Variants in HDAC9 observed in about 807,000 individuals in gnomAD.
The protein encoded by HDAC9 is histone deacetylase 9.
A neutral mutation model predicts 139.4 loss-of-function variants in HDAC9; 41 were observed. That is an observed-to-expected ratio of 0.29 (90% CI 0.23 to 0.38). HDAC9 has a LOEUF of 0.38. Among genes scored for constraint, HDAC9 ranks in the 10% least tolerant of loss-of-function variants. The pLI is 1.00. For missense variants in HDAC9, 1,147 were observed against 1,297.0 expected, an observed-to-expected ratio of 0.88 and a Z score of 1.78; for synonymous variants, 517 against 476.2, an observed-to-expected ratio of 1.09 and a Z score of -1.12.
At chr7:18,341,827 G>C (rs933429855) in intron 1 of HDAC9, among the ~76,000 whole-genome samples, 6 of 151,384 alleles carry the variant, frequency 4.0e-5, no homozygotes, top group Admixed American at 2.6e-4. Context: ...ACTTTCTTGG[G>C]TCTTGAAAAA....
chr7:18,573,437 C>T (rs1038176561), intron 2 of HDAC9, among the ~76,000 whole-genome samples: 6 of 152,230 alleles, frequency 3.9e-5, no homozygotes, highest in African/African-American at 7.2e-5. Context: ...ATCGCTAGGG[C>T]GTTGCTTCAT....
intron 2 of HDAC9, among the ~76,000 whole-genome samples, chr7:18,199,719 C>A (rs1790976806): frequency 7.1e-6 from 1 of 139,890 alleles, no homozygotes; most frequent in Non-Finnish European, 1.5e-5. Context: ...GGTTTCAAGA[C>A]CAGCCTGGAC....
chr7:18,833,006 G>A (rs1436612916), intron 19 of HDAC9, among the ~76,000 whole-genome samples: 3 of 152,062 alleles, frequency 2.0e-5, no homozygotes, highest in Non-Finnish European at 4.4e-5. Flanking sequence ...AAAGTGCTGG[G>A]ATTACAGGCA....
At chr7:18,552,041 G>T (rs1817321406) in intron 2 of HDAC9, among the ~76,000 whole-genome samples, 1 of 152,158 alleles carries the variant, frequency 6.6e-6, no homozygotes, top group African/African-American at 2.4e-5. Context: ...ATTTTTAAAA[G>T]ATTAAGCATT....
At chr7:18,197,155 A>C (rs994773208) in intron 2 of HDAC9, among the ~76,000 whole-genome samples, 1 of 152,154 alleles carries the variant, frequency 6.6e-6, no homozygotes, top group African/African-American at 2.4e-5. Context: ...CTGGCTTCTG[A>C]CTCAAAACTG....
intron 21 of HDAC9, among the ~76,000 whole-genome samples, chr7:18,867,277 C>T (rs761078160): frequency 1.3e-5 from 2 of 152,150 alleles, no homozygotes; most frequent in Admixed American, 6.6e-5. Context: ...AGCAAAGCAA[C>T]GTAGGTGCAA....
intron 1 of HDAC9, among the ~76,000 whole-genome samples, chr7:18,368,507 A>T (rs1020686602): frequency 1.3e-5 from 2 of 151,862 alleles, no homozygotes; most frequent in Non-Finnish European, 2.9e-5. Flanking sequence ...CATGTACACT[A>T]TGTTTATAGA....
chr7:18,262,197 G>T (rs1375777940), intron 2 of HDAC9, among the ~76,000 whole-genome samples: 2 of 152,138 alleles, frequency 1.3e-5, no homozygotes, highest in Non-Finnish European at 2.9e-5. Flanking sequence ...AGGGGAGTAA[G>T]GAAGTACAGA....
chr7:18,118,496 A>G (rs947533390), intron 1 of HDAC9, among the ~76,000 whole-genome samples: 1 of 152,190 alleles, frequency 6.6e-6, no homozygotes, highest in Admixed American at 6.5e-5. Flanking sequence ...ATTGGGGAAA[A>G]TAATTTTAAT....
chr7:18,665,808 GACA>G (rs1407309115), intron 11 of HDAC9, among the ~76,000 whole-genome samples: 1 of 151,988 alleles, frequency 6.6e-6, no homozygotes, highest in Non-Finnish European at 1.5e-5. Context: ...AAATGATATT[GACA>G]ACATTTTTTA....
rs1293049800 is a variant in HDAC9 at position 18,916,562 on chromosome 7, G to A, written c.2804-19247G>A. On this transcript the variant is annotated intron_variant, in intron 22 of 25. Transcript: ENST00000686413. ...GCTACTGGGCTTCAGAGAGAAACAG[G>A]CACATAAAGTGGTGTAAAATGTTGA... Among the ~76,000 whole-genome samples the A allele has an allele frequency of 1.3e-5, 2 of 151,864 alleles. 1 individual carries two copies.
chr7:18,437,958 C>CACAG (rs1791367397), intron 1 of HDAC9, among the ~76,000 whole-genome samples: 2 of 151,626 alleles, frequency 1.3e-5, no homozygotes. Flanking sequence ...CACACACACA[C>CACAG]ACACAGACAC....
At chr7:18,992,920 T>C (rs1036215222) in intron 25 of HDAC9, among the ~76,000 whole-genome samples, 25 of 152,222 alleles carry the variant, frequency 1.6e-4, no homozygotes, top group Admixed American at 9.2e-4. Context: ...CCGAACTTAC[T>C]GTCTTCAGCT....
At chr7:18,098,248 T>A (rs1343164867) in intron 1 of HDAC9, among the ~76,000 whole-genome samples, 3 of 152,224 alleles carry the variant, frequency 2.0e-5, no homozygotes, top group Non-Finnish European at 4.4e-5. Flanking sequence ...AATTTGTAGT[T>A]CTGCTGGAGC....
intron 2 of HDAC9, among the ~76,000 whole-genome samples, chr7:18,261,698 T>C (rs1245755890): frequency 6.6e-6 from 1 of 152,216 alleles, no homozygotes; most frequent in Non-Finnish European, 1.5e-5. Flanking sequence ...GCATACTTTT[T>C]CCATTAACAC....
At chr7:18,327,124 CTTA>C (rs1800508365) in intron 1 of HDAC9, among the ~76,000 whole-genome samples, 2 of 151,698 alleles carry the variant, frequency 1.3e-5, no homozygotes, top group Admixed American at 6.6e-5. Flanking sequence ...TTACATTTGA[CTTA>C]TTATTTATTG....
chr7:18,564,544 A>G (rs1821654567), intron 2 of HDAC9, among the ~76,000 whole-genome samples: 1 of 152,204 alleles, frequency 6.6e-6, no homozygotes. Context: ...ATAAGTGCGC[A>G]ATTCTAATAT....
At chr7:18,560,961 A>G (rs913651328) in intron 2 of HDAC9, among the ~76,000 whole-genome samples, 7 of 152,154 alleles carry the variant, frequency 4.6e-5, no homozygotes, top group African/African-American at 9.7e-5. Flanking sequence ...GGAAATGACT[A>G]TCTTATTAAG....
At chr7:18,209,041 A>C (rs903527578) in intron 2 of HDAC9, among the ~76,000 whole-genome samples, 7 of 152,150 alleles carry the variant, frequency 4.6e-5, no homozygotes, top group Admixed American at 4.6e-4. Context: ...ACCTTTTTCA[A>C]ATTTTATTTT....
Sources: gnomAD v4.1 joint callset for allele counts (sites outside exome capture counted in the v4.1 genomes callset) on GRCh38, gnomAD v4.1.1 for gene constraint, MANE v1.5 for transcripts, NCBI Gene and HGNC (gene_info 2026-07-23, HGNC 2026-07-21) for gene names.